CACNB4: variants seen among roughly 807,000 people sequenced by gnomAD.
CACNB4 encodes calcium voltage-gated channel auxiliary subunit beta 4.
A neutral mutation model predicts 71.2 loss-of-function variants in CACNB4; 32 were observed. The ratio of observed to expected loss-of-function variants is 0.45; its 90% confidence interval spans 0.34 to 0.60. CACNB4 has a LOEUF of 0.60. Ranked by LOEUF, CACNB4 falls within the 20% of genes least tolerant of loss-of-function variation. CACNB4 has a pLI of 0.01. For missense variants in CACNB4, 464 were observed against 647.9 expected, an observed-to-expected ratio of 0.72 and a Z score of 3.08; for synonymous variants, 231 against 236.9, an observed-to-expected ratio of 0.97 and a Z score of 0.23.
In CACNB4 at chr2:152,098,465, G is replaced by T; in HGVS notation, c.64-52C>A. Reference sequence around the variant, plus strand: ...AGAAGCCGGTGAGGACCGCAGCGCAGAGCGGGGCGACCACCCCCGGCTGGA... The same window carrying T: ...AGAAGCCGGTGAGGACCGCAGCGCATAGCGGGGCGACCACCCCCGGCTGGA... On this transcript the variant is annotated intron_variant, in intron 1 of 13. Transcript: ENST00000539935. This position sits in a 1 kb window ranked among gnomAD's most constrained non-coding sequence, Gnocchi z 5.3. 1 of 1,525,534 alleles carries T rather than the reference G, an allele frequency of 6.6e-7. No individual in the cohort carries two copies. Among genetic ancestry groups the T allele is most frequent in the Non-Finnish European group, 9.1e-7 (1 of 1,100,180 alleles). The allele number at this position is 1,525,534 out of a possible 1,614,324, so 94.5% of individuals were successfully genotyped here. A position where few individuals can be genotyped will look rare whatever the true frequency, so the allele number is the denominator to read the frequency against.
At chr2:151,995,253 C>A (rs1681977038) in intron 2 of CACNB4, among the ~76,000 whole-genome samples, 1 of 134,210 alleles carries the variant, frequency 7.5e-6, no homozygotes, top group Non-Finnish European at 1.5e-5. Context: ...AAAAATGTAC[C>A]TCAAAAACAC....
intron 2 of CACNB4, among the ~76,000 whole-genome samples, chr2:151,889,833 A>C (rs567906290): frequency 1.3e-5 from 2 of 152,198 alleles, no homozygotes; most frequent in Non-Finnish European, 2.9e-5. Flanking sequence ...CTCCAAGTAC[A>C]TAGGCCCTAC....
At chr2:152,038,820 G>A (rs1482934864) in intron 2 of CACNB4, among the ~76,000 whole-genome samples, 1 of 152,074 alleles carries the variant, frequency 6.6e-6, no homozygotes, top group Non-Finnish European at 1.5e-5. Flanking sequence ...GTTCCCTCAG[G>A]CCTTCCACCT....
intron 2 of CACNB4, among the ~76,000 whole-genome samples, chr2:152,015,190 T>C (rs1028476128): frequency 1.3e-5 from 2 of 152,118 alleles, no homozygotes; most frequent in Non-Finnish European, 2.9e-5. Flanking sequence ...TGGAGTGCAG[T>C]GGCACGATCT....
chr2:151,935,541 T>A (rs1436810378), intron 2 of CACNB4, among the ~76,000 whole-genome samples: 1 of 152,254 alleles, frequency 6.6e-6, no homozygotes, highest in African/African-American at 2.4e-5. Context: ...ACAACCTGGT[T>A]ATCTGAACCT....
intron 2 of CACNB4, among the ~76,000 whole-genome samples, chr2:152,022,332 G>A (rs965938667): frequency 6.6e-6 from 1 of 152,188 alleles, no homozygotes; most frequent in African/African-American, 2.4e-5. Flanking sequence ...GAGAAGTGGT[G>A]GAGGGAATGT....
At chr2:152,047,395 C>A (rs1432952294) in intron 2 of CACNB4, among the ~76,000 whole-genome samples, 2 of 152,216 alleles carry the variant, frequency 1.3e-5, no homozygotes, top group African/African-American at 4.8e-5. Context: ...TTCCTTCCTG[C>A]TGACCCCAAG....
rs886054958 is a variant in CACNB4, at chr2:151,837,188, A to G, written c.*1931T>C. ...ATAAGCTTCACTAGATGACAGAAGA[A>G]TCTCACAAGCCAGTATCACATGTTA... On this transcript the variant is annotated 3_prime_UTR_variant, in exon 14 of 14. Coordinates refer to ENST00000539935, the MANE Select transcript of CACNB4 (RefSeq NM_000726.5). 8 of 152,058 alleles carry G rather than the reference A, an allele frequency of 5.3e-5. No individual in the cohort carries two copies. The highest frequency in any genetic ancestry group is 2.9e-5 in the Non-Finnish European group (2 of 67,930). The allele number at this position is 152,058 out of a possible 1,614,324, so 9.4% of individuals were successfully genotyped here.
At chr2:152,015,758 G>C (rs1443554793) in intron 2 of CACNB4, among the ~76,000 whole-genome samples, 1 of 152,146 alleles carries the variant, frequency 6.6e-6, no homozygotes, top group East Asian at 1.9e-4. Flanking sequence ...AAACCTGCAC[G>C]GGCAGAAGCA....
intron 2 of CACNB4, among the ~76,000 whole-genome samples, chr2:152,086,375 G>A (rs1303889286): frequency 6.6e-6 from 1 of 152,168 alleles, no homozygotes; most frequent in Non-Finnish European, 1.5e-5. Context: ...AATTAGCAAA[G>A]AATGTTTGCA....
intron 2 of CACNB4, among the ~76,000 whole-genome samples, chr2:151,893,247 T>C (rs1195949284): frequency 6.6e-6 from 1 of 152,146 alleles, no homozygotes; most frequent in Non-Finnish European, 1.5e-5. Context: ...CCCTATTTTA[T>C]ATCTTTTTTT....
chr2:151,975,650 C>T (rs1306841110), intron 2 of CACNB4, among the ~76,000 whole-genome samples: 2 of 152,070 alleles, frequency 1.3e-5, no homozygotes. Context: ...AACCTCGGTT[C>T]CCTCCCCCAT....
chr2:151,872,150 G>C (rs1326717570), intron 6 of CACNB4: 1 of 328,022 alleles, frequency 3.0e-6, no homozygotes, highest in African/African-American at 2.2e-5. Context: ...TGAATTTTTT[G>C]AATATCAATT....
chr2:151,967,192 T>C (rs10166814), intron 2 of CACNB4: 107,181 of 151,810 alleles, frequency 0.71, 41,329 homozygotes, highest in Middle Eastern at 0.89. Context: ...GGACTACAGG[T>C]ACATGCCACC....
chr2:152,079,841 A>G (rs1687258228), intron 2 of CACNB4, among the ~76,000 whole-genome samples: 1 of 152,158 alleles, frequency 6.6e-6, no homozygotes, highest in Non-Finnish European at 1.5e-5. Context: ...AGACCAGAAA[A>G]GTACATCCAT....
intron 2 of CACNB4, among the ~76,000 whole-genome samples, chr2:152,090,095 C>T (rs1264045339): frequency 6.6e-6 from 1 of 152,156 alleles, no homozygotes; most frequent in East Asian, 1.9e-4. Flanking sequence ...AAAAATGGGC[C>T]AAGCTTTGAG....
chr2:151,944,002 TCGGATACAGGATTATA>T (rs2151639868), intron 2 of CACNB4, among the ~76,000 whole-genome samples: 1 of 151,766 alleles, frequency 6.6e-6, no homozygotes, highest in Admixed American at 6.6e-5. Context: ...ACACTGATTA[TCGGATACAGGATTATA>T]CTTTCTTTCT....
intron 2 of CACNB4, among the ~76,000 whole-genome samples, chr2:151,955,268 T>C (rs1278876338): frequency 6.6e-6 from 1 of 152,230 alleles, no homozygotes; most frequent in African/African-American, 2.4e-5. Context: ...CATCTTACTA[T>C]GCACTGAGAA....
intron 2 of CACNB4, among the ~76,000 whole-genome samples, chr2:152,094,670 T>C (rs889242125): frequency 1.5e-4 from 23 of 152,324 alleles, no homozygotes; most frequent in African/African-American, 5.1e-4. Context: ...GACATCTCTG[T>C]CTCCATTGCT....
Sources: allele counts gnomAD v4.1 joint callset (sites outside exome capture counted in the v4.1 genomes callset), GRCh38; gene constraint gnomAD v4.1.1; non-coding constraint Gnocchi (gnomAD v3.1); transcripts MANE v1.5; gene names NCBI Gene and HGNC (gene_info 2026-07-23, HGNC 2026-07-21).